The following NRXN3 variants were observed in gnomAD, a reference collection of about 807,000 sequenced individuals.
NRXN3 encodes the protein neurexin 3, also known as neurexin III.
A neutral mutation model predicts 137.6 loss-of-function variants in NRXN3; 32 were observed. That is an observed-to-expected ratio of 0.23 (90% CI 0.18 to 0.31). The LOEUF (loss-of-function observed/expected upper bound fraction) is 0.31, where lower values mean the gene tolerates loss of function less well. Ranked by LOEUF, NRXN3 falls within the 10% of genes least tolerant of loss-of-function variation. The probability of loss-of-function intolerance (pLI) is 1.00; values close to 1 mark genes in which losing one functional copy is unlikely to be tolerated. For missense variants in NRXN3, 1,574 were observed against 2,062.5 expected (o/e 0.76, Z 4.59); for synonymous variants, 798 against 784.5 (o/e 1.02, Z -0.29).
intron 16 of NRXN3, among the ~76,000 whole-genome samples, chr14:79,591,703 A>G (rs2097804692): frequency 6.6e-6 from 1 of 152,160 alleles, no homozygotes; most frequent in South Asian, 2.1e-4. Flanking sequence ...ATGGCTTTCT[A>G]GGTGTTTAAA....
At chr14:78,761,744 G>A (rs983090356) in intron 8 of NRXN3, among the ~76,000 whole-genome samples, 10 of 152,098 alleles carry the variant, frequency 6.6e-5, no homozygotes, top group Admixed American at 3.3e-4. Flanking sequence ...GAATTAACAA[G>A]GATTAAGGAA....
chr14:78,738,915 A>T (rs1175581481), intron 8 of NRXN3, among the ~76,000 whole-genome samples: 1 of 152,194 alleles, frequency 6.6e-6, no homozygotes, highest in Non-Finnish European at 1.5e-5. Context: ...GTGTGGGCCC[A>T]CAGAAAAAAA....
At chr14:79,562,580 A>C (rs2097508985) in intron 16 of NRXN3, among the ~76,000 whole-genome samples, 1 of 152,196 alleles carries the variant, frequency 6.6e-6, no homozygotes, top group South Asian at 2.1e-4. Context: ...TGCCAGTTTT[A>C]CACCTACATC....
intron 8 of NRXN3, among the ~76,000 whole-genome samples, chr14:78,726,500 C>T (rs1198620941): frequency 2.2e-5 from 3 of 136,602 alleles, no homozygotes; most frequent in Non-Finnish European, 4.7e-5. Flanking sequence ...CATAACATAA[C>T]ATTTACCATT....
At chr14:78,218,815 G>A (rs1261994880) in intron 1 of NRXN3, among the ~76,000 whole-genome samples, 1 of 152,180 alleles carries the variant, frequency 6.6e-6, no homozygotes, top group Non-Finnish European at 1.5e-5. Flanking sequence ...GAGCCCCTCT[G>A]TATTGGTTTG....
At chr14:78,439,321 AG>A (rs532994487) in intron 4 of NRXN3, among the ~76,000 whole-genome samples, 105 of 152,328 alleles carry the variant, frequency 6.9e-4, no homozygotes, top group African/African-American at 2.4e-3. Flanking sequence ...AATTCTTGCA[AG>A]TGTAAATCTA....
chr14:78,543,202 T>C (rs2153821578), intron 4 of NRXN3, among the ~76,000 whole-genome samples: 1 of 152,272 alleles, frequency 6.6e-6, no homozygotes, highest in African/African-American at 2.4e-5. Context: ...TGGCTAGATG[T>C]CCATTTCCTA....
At chr14:78,893,907 C>T (rs2099166370) in intron 10 of NRXN3, among the ~76,000 whole-genome samples, 1 of 151,894 alleles carries the variant, frequency 6.6e-6, no homozygotes, top group Non-Finnish European at 1.5e-5. Flanking sequence ...GTTATTTTTA[C>T]TCTATAGTCT....
chr14:78,844,986 T>A (rs1432946238), intron 10 of NRXN3, among the ~76,000 whole-genome samples: 1 of 152,052 alleles, frequency 6.6e-6, no homozygotes, highest in Non-Finnish European at 1.5e-5. Flanking sequence ...TATTACTATG[T>A]GATGTCAAAT....
At chr14:79,433,990 C>A (rs190729955) in intron 15 of NRXN3, among the ~76,000 whole-genome samples, 2 of 152,276 alleles carry the variant, frequency 1.3e-5, no homozygotes, top group African/African-American at 4.8e-5. Context: ...CTTAGACCCA[C>A]TGAATAAGGT....
At chr14:78,726,959 T>TAAAAAAAA (rs55802240) in intron 8 of NRXN3, among the ~76,000 whole-genome samples, 8 of 120,976 alleles carry the variant, frequency 6.6e-5, no homozygotes, top group South Asian at 5.7e-4. Flanking sequence ...ATTTATTCAC[T>TAAAAAAAA]AAAAAAAAAA....
intron 15 of NRXN3, among the ~76,000 whole-genome samples, chr14:79,396,298 A>G (rs2095024508): frequency 6.6e-6 from 1 of 152,010 alleles, no homozygotes; most frequent in Admixed American, 6.6e-5. Context: ...AATTGCTAGT[A>G]TGTGTGAAAG....
At chr14:78,801,153 C>G (rs2098837570) in intron 8 of NRXN3, among the ~76,000 whole-genome samples, 1 of 152,070 alleles carries the variant, frequency 6.6e-6, no homozygotes, top group Admixed American at 6.6e-5. Context: ...AACCCTATCT[C>G]TACTAAAAAT....
At chr14:78,891,286 A>G (rs527666155) in intron 10 of NRXN3, among the ~76,000 whole-genome samples, 1 of 152,080 alleles carries the variant, frequency 6.6e-6, no homozygotes, top group South Asian at 2.1e-4. Flanking sequence ...TCCATATTTT[A>G]CTAATGAAGT....
chr14:79,651,314 A>G lies in NRXN3; in HGVS notation c.3445-12464A>G, dbSNP rs547340618. ...GAGGTAGTGGTACTCTACATTTTCA[A>G]AAGTTCTCTCCCAAAGCAAAACCAT... On this transcript the variant is annotated intron_variant, in intron 16 of 20. Coordinates refer to ENST00000335750, the MANE Select transcript of NRXN3 (RefSeq NM_001330195.2). Among the ~76,000 whole-genome samples, 3 of 152,304 alleles carry G rather than the reference A, an allele frequency of 2.0e-5. No individual in the cohort carries two copies. The East Asian group carries it at 5.8e-4, about 29-fold the overall frequency.
At chr14:78,682,621 C>T (rs2098087247) in intron 6 of NRXN3, among the ~76,000 whole-genome samples, 2 of 151,460 alleles carry the variant, frequency 1.3e-5, no homozygotes, top group African/African-American at 4.8e-5. Context: ...AAACAGTGTC[C>T]TAAGTGCTTA....
At chr14:79,458,077 C>T (rs376091330) in intron 15 of NRXN3, among the ~76,000 whole-genome samples, 21 of 152,098 alleles carry the variant, frequency 1.4e-4, no homozygotes, top group Non-Finnish European at 1.6e-4. Context: ...AATAGAATAA[C>T]GTGGCTATCC....
At chr14:78,912,003 T>C (rs150788428) in intron 10 of NRXN3, among the ~76,000 whole-genome samples, 106 of 151,856 alleles carry the variant, frequency 7.0e-4, no homozygotes, top group Middle Eastern at 3.4e-3. Flanking sequence ...ATGTGCCATG[T>C]TGGTGTGCTG....
chr14:78,396,722 A>G (rs559466681), intron 4 of NRXN3, among the ~76,000 whole-genome samples: 2 of 152,168 alleles, frequency 1.3e-5, no homozygotes, highest in African/African-American at 2.4e-5. Flanking sequence ...TATAGGCAAG[A>G]TGTCATTTTT....
Sources: gnomAD v4.1 joint callset for allele counts (sites outside exome capture counted in the v4.1 genomes callset) on GRCh38, gnomAD v4.1.1 for gene constraint, MANE v1.5 for transcripts, NCBI Gene and HGNC (gene_info 2026-07-23, HGNC 2026-07-21) for gene names.